PCDHGB4: variants seen among roughly 807,000 people sequenced by gnomAD.
PCDHGB4 encodes the protein protocadherin gamma subfamily B, 4.
A neutral mutation model predicts 60.5 loss-of-function variants in PCDHGB4; 38 were observed. That is an observed-to-expected ratio of 0.63 (90% CI 0.48 to 0.82). The LOEUF (loss-of-function observed/expected upper bound fraction) is 0.82. Among genes scored for constraint, PCDHGB4 ranks in the 40% least tolerant of loss-of-function variants. The pLI, the probability that PCDHGB4 is intolerant of heterozygous loss-of-function variation, is 0.00. For synonymous variants in PCDHGB4, 456 were observed against 509.7 expected (o/e 0.89, Z 1.42); for missense variants, 1,109 against 1,209.6 (o/e 0.92, Z 1.23).
At chr5:141,403,591 G>C in intron 1 of PCDHGB4, 2 of 1,613,836 alleles carry the variant, frequency 1.2e-6, no homozygotes, top group South Asian at 1.1e-5. Flanking sequence ...TGGTCCTCAC[G>C]GCCTCGGATG....
At chr5:141,421,789 G>A (rs756677817) in intron 1 of PCDHGB4, 5 of 1,613,830 alleles carry the variant, frequency 3.1e-6, no homozygotes, top group East Asian at 2.2e-5. Context: ...GGGCAGAACG[G>A]ATGGGGCCAA....
chr5:141,487,293 C>T lies in PCDHGB4; in HGVS notation c.2398-7514C>T. ...GCAATTTGCTTTGTCTCCTTTGGCT[C>T]ATTCGTGGCACTACTCTCTAAGTGT... is the stretch of plus-strand genomic sequence containing the variant. On this transcript the variant is annotated intron_variant, in intron 1 of 3. Transcript: ENST00000519479. The surrounding 1 kb of genome is among the most constrained non-coding windows in gnomAD (Gnocchi z 5.0). 1 of 1,614,148 alleles carries T rather than the reference C, an allele frequency of 6.2e-7. No individual in the cohort carries two copies. Among genetic ancestry groups the T allele is most frequent in the Non-Finnish European group, 8.5e-7 (1 of 1,180,010 alleles).
chr5:141,507,075 C>T (rs1006779614), intron 3 of PCDHGB4: 25 of 152,176 alleles, frequency 1.6e-4, no homozygotes, highest in Admixed American at 1.1e-3. Context: ...CCTGGCTCAA[C>T]TCCTAAGTTT....
intron 1 of PCDHGB4, among the ~76,000 whole-genome samples, chr5:141,483,611 A>G (rs2099583566): frequency 6.6e-6 from 1 of 151,952 alleles, no homozygotes; most frequent in South Asian, 2.1e-4. Context: ...TTACACCTCC[A>G]TCATTCCCAT....
At chr5:141,501,866 C>T (rs1193396289) in intron 2 of PCDHGB4, among the ~76,000 whole-genome samples, 4 of 152,108 alleles carry the variant, frequency 2.6e-5, no homozygotes, top group South Asian at 2.1e-4. Context: ...TTTCCCAGGA[C>T]GCCTCCTTAC....
At chr5:141,405,407 C>A (rs1252757330) in intron 1 of PCDHGB4, 3 of 1,582,052 alleles carry the variant, frequency 1.9e-6, no homozygotes, top group Non-Finnish European at 2.6e-6. Flanking sequence ...TCTTTCTTTT[C>A]TTTTTTTGTT....
chr5:141,428,197 G>A, intron 1 of PCDHGB4: 3 of 1,385,968 alleles, frequency 2.2e-6, no homozygotes, highest in Non-Finnish European at 3.0e-6. Context: ...CGCTCTCTGC[G>A]CCGCTACGCT....
intron 1 of PCDHGB4, chr5:141,394,476 C>T (rs763209018): frequency 3.8e-5 from 61 of 1,614,238 alleles, no homozygotes; most frequent in Admixed American, 1.7e-4. Flanking sequence ...CGTGCTGGAC[C>T]AGAATGACAA....
intron 1 of PCDHGB4, chr5:141,399,366 G>A (rs1390489498): frequency 3.7e-6 from 6 of 1,613,850 alleles, no homozygotes; most frequent in Middle Eastern, 3.3e-4. Flanking sequence ...AAACCCCGGA[G>A]TACAATGTCA....
At chr5:141,394,168 T>G in intron 1 of PCDHGB4, 1 of 1,613,752 alleles carries the variant, frequency 6.2e-7, no homozygotes, top group Non-Finnish European at 8.5e-7. Flanking sequence ...CCTCCTACTT[T>G]CCCTCATGCC....
chr5:141,496,723 T>G (rs1312615861), intron 2 of PCDHGB4, among the ~76,000 whole-genome samples: 3 of 152,212 alleles, frequency 2.0e-5, no homozygotes, highest in Non-Finnish European at 4.4e-5. Context: ...AAGTCATTAA[T>G]GTATTCATTC....
At chr5:141,402,859 G>A (rs1314987043) in intron 1 of PCDHGB4, 8 of 1,428,738 alleles carry the variant, frequency 5.6e-6, no homozygotes, top group Non-Finnish European at 7.4e-6. Flanking sequence ...TTCTTCTAAG[G>A]AAAAGATCAC....
intron 1 of PCDHGB4, chr5:141,400,289 G>A: frequency 6.2e-7 from 1 of 1,614,074 alleles, no homozygotes; most frequent in South Asian, 1.1e-5. Context: ...GCCGCCTGGA[G>A]CTGCTTCCAA....
At chr5:141,414,395 G>GAAAAGTCC (rs1226242642) in intron 1 of PCDHGB4, 1 of 1,613,924 alleles carries the variant, frequency 6.2e-7, no homozygotes, top group South Asian at 1.1e-5. Context: ...AGTTATTACA[G>GAAAAGTCC]ATTGGTGATA....
At chr5:141,413,407 CTT>C (rs758693256) in intron 1 of PCDHGB4, 1 of 1,613,926 alleles carries the variant, frequency 6.2e-7, no homozygotes, top group Non-Finnish European at 8.5e-7. Context: ...TAGGACGCAG[CTT>C]TTCTCTCTGA....
At chr5:141,474,893 T>C (rs1406276730) in intron 1 of PCDHGB4, among the ~76,000 whole-genome samples, 1 of 152,256 alleles carries the variant, frequency 6.6e-6, no homozygotes, top group East Asian at 1.9e-4. Flanking sequence ...TAGAGGTTCA[T>C]TTCTTGTTCA....
chr5:141,422,069 C>A, intron 1 of PCDHGB4: 3 of 1,611,836 alleles, frequency 1.9e-6, no homozygotes, highest in Non-Finnish European at 2.5e-6. Flanking sequence ...GTAATGTATT[C>A]ATTTCGGAAC....
Position 141,393,015 on chromosome 5 carries a change from T to C in PCDHGB4, c.2397+2734T>C, listed in dbSNP as rs755462760. On this transcript the variant is annotated intron_variant, in intron 1 of 3. Transcript: ENST00000519479. The stretch of plus-strand genomic sequence containing the variant: ...GGCGAAGCACGGAGTCCGTATCGTC[T>C]CCAGAGGTAGGACGCAGCTCTTTGC... The C allele has an allele frequency of 7.9e-5, 127 of 1,613,696 alleles. No homozygotes were observed. The highest frequency in any genetic ancestry group is 1.1e-4 in the Non-Finnish European group (124 of 1,179,874).
intron 3 of PCDHGB4, among the ~76,000 whole-genome samples, 193 bp downstream of exon 3, chr5:141,505,674 G>C (rs1482125302): frequency 6.6e-6 from 1 of 152,192 alleles, no homozygotes; most frequent in East Asian, 1.9e-4. Context: ...GGGGTTGGGG[G>C]TCCTGGGATG....
Sources: allele counts gnomAD v4.1 joint callset (sites outside exome capture counted in the v4.1 genomes callset), GRCh38; gene constraint gnomAD v4.1.1; non-coding constraint Gnocchi (gnomAD v3.1); transcripts MANE v1.5; gene names NCBI Gene and HGNC (gene_info 2026-07-23, HGNC 2026-07-21).